Variants in ANKS1B observed in about 807,000 individuals in gnomAD.
The protein encoded by ANKS1B is ankyrin repeat and sterile alpha motif domain containing 1B.
In ANKS1B, 36 loss-of-function variants were observed where a neutral mutation model predicts 148.3. The ratio of observed to expected loss-of-function variants is 0.24; its 90% CI spans 0.19 to 0.32. The LOEUF (loss-of-function observed/expected upper bound fraction) is 0.32. ANKS1B is among the 10% of genes least tolerant of loss of function. The pLI, the probability that ANKS1B is intolerant of heterozygous loss-of-function variation, is 1.00. For missense variants in ANKS1B, 1,157 were observed against 1,542.6 expected (o/e 0.75, Z 4.19); for synonymous variants, 542 against 560.8 (o/e 0.97, Z 0.47).
chr12:99,639,791 A>G (rs933687094), intron 9 of ANKS1B, among the ~76,000 whole-genome samples: 2 of 152,164 alleles, frequency 1.3e-5, no homozygotes, highest in African/African-American at 2.4e-5. Flanking sequence ...CTGTGAGTCA[A>G]TTGAACCTCT....
chr12:99,247,030 AATGAAT>A (rs1479428655), intron 12 of ANKS1B, among the ~76,000 whole-genome samples, 166 bp from the exon 13 acceptor site: 1 of 152,200 alleles, frequency 6.6e-6, no homozygotes, highest in Non-Finnish European at 1.5e-5. Flanking sequence ...CCATGTATAG[AATGAAT>A]GTATGAGTGT....
rs986530857 is a variant in ANKS1B at position 99,367,540 on chromosome 12, AAG to A, written c.1756+32089_1756+32090del. ...AACCCCACTTCTATGAATATTCCCC[AAG>A]AGAGAGAGTTCCAGGAGAACAAACC... On this transcript the variant is annotated intron_variant, in intron 12 of 26. Coordinates refer to ENST00000683438, the MANE Select transcript of ANKS1B (RefSeq NM_001352186.2). Among the ~76,000 whole-genome samples, 6 of 152,226 alleles carry A rather than the reference AAG, an allele frequency of 3.9e-5. No individual in the cohort carries two copies. In the East Asian group the frequency reaches 5.8e-4, roughly 15 times the overall value.
At chr12:99,887,431 C>T (rs1303130012) in intron 1 of ANKS1B, among the ~76,000 whole-genome samples, 1 of 152,160 alleles carries the variant, frequency 6.6e-6, no homozygotes, top group Non-Finnish European at 1.5e-5. Context: ...TGTTTCTTTT[C>T]ACGTTTCAAA....
rs562754057 is a variant in ANKS1B at position 99,428,532 on chromosome 12, A to G, written c.1575+15141T>C. 7.6e-4 allele frequency among the ~76,000 whole-genome samples: 116 copies of G among 152,350 alleles called. 2 individuals carry two copies. The highest frequency in any genetic ancestry group is 2.8e-3 in the African/African-American group (116 of 41,582). Reference sequence around the variant, plus strand: ...TAAAAATGAATTATGTGTTGTTTAGATCGAAATCACATTACTTCTGTAAAC... The same window carrying G: ...TAAAAATGAATTATGTGTTGTTTAGGTCGAAATCACATTACTTCTGTAAAC... On this transcript the variant is annotated intron_variant, in intron 11 of 26. Coordinates refer to ENST00000683438, the MANE Select transcript of ANKS1B (RefSeq NM_001352186.2).
chr12:99,957,385 T>A (rs1180102906), intron 1 of ANKS1B, among the ~76,000 whole-genome samples: 1 of 152,246 alleles, frequency 6.6e-6, no homozygotes, highest in African/African-American at 2.4e-5. Context: ...CAAAAGTTAC[T>A]AAGAGCACGA....
chr12:99,526,055 A>G (rs2096923498), intron 9 of ANKS1B, among the ~76,000 whole-genome samples: 1 of 152,196 alleles, frequency 6.6e-6, no homozygotes, highest in Non-Finnish European at 1.5e-5. Flanking sequence ...TTCTTACATG[A>G]AAAGATGCTC....
At chr12:99,006,199 T>G (rs1327075516) in intron 17 of ANKS1B, among the ~76,000 whole-genome samples, 1 of 152,132 alleles carries the variant, frequency 6.6e-6, no homozygotes, top group Non-Finnish European at 1.5e-5. Flanking sequence ...TTGACCAAAG[T>G]TTATTTCTGT....
At chr12:99,382,718 AGAG>A (rs1306483618) in intron 12 of ANKS1B, among the ~76,000 whole-genome samples, 2,150 of 72,414 alleles carry the variant, frequency 0.03, 20 homozygotes, top group Middle Eastern at 0.073. Context: ...AAAAAAAAAA[AGAG>A]AGAGAGAGAG....
intron 17 of ANKS1B, 72 bp from the exon 18 acceptor site, chr12:98,832,208 G>A (rs936917519): frequency 2.4e-6 from 3 of 1,241,732 alleles, no homozygotes; most frequent in Non-Finnish European, 3.3e-6. Flanking sequence ...TAAAACATGT[G>A]GGGTGAAAAA....
intron 17 of ANKS1B, among the ~76,000 whole-genome samples, chr12:98,944,157 G>T (rs1430691900): frequency 6.6e-6 from 1 of 152,064 alleles, no homozygotes; most frequent in Admixed American, 6.5e-5. Flanking sequence ...AAAACTAGCT[G>T]GGTGTGGGGG....
At chr12:99,091,007 C>T (rs2053808045) in intron 15 of ANKS1B, among the ~76,000 whole-genome samples, 1 of 152,040 alleles carries the variant, frequency 6.6e-6, no homozygotes, top group South Asian at 2.1e-4. Context: ...TCCATTTAAA[C>T]ATATTCTGTC....
At chr12:98,889,294 CT>C (rs2099746986) in intron 17 of ANKS1B, among the ~76,000 whole-genome samples, 11 of 152,012 alleles carry the variant, frequency 7.2e-5, no homozygotes, top group Admixed American at 7.2e-4. Flanking sequence ...TTATTTCTCT[CT>C]CATATTGGTG....
chr12:99,230,924 A>G (rs1008266134), intron 14 of ANKS1B, among the ~76,000 whole-genome samples: 1 of 152,188 alleles, frequency 6.6e-6, no homozygotes, highest in Non-Finnish European at 1.5e-5. Context: ...CTTGTGTGCT[A>G]ATGTATTCTA....
At chr12:99,422,661 C>T (rs74778715) in intron 11 of ANKS1B, among the ~76,000 whole-genome samples, 95 of 152,068 alleles carry the variant, frequency 6.2e-4, no homozygotes, top group Non-Finnish European at 1.1e-3. Flanking sequence ...TTGATGTGTT[C>T]GGGATACAAA....
chr12:99,528,667 C>T (rs2096955792), intron 9 of ANKS1B, among the ~76,000 whole-genome samples: 1 of 152,072 alleles, frequency 6.6e-6, no homozygotes. Flanking sequence ...AGTCTAGTGT[C>T]TAAAAGCCTA....
chr12:98,989,960 AAAT>A (rs1355895637), intron 17 of ANKS1B, among the ~76,000 whole-genome samples: 2 of 152,022 alleles, frequency 1.3e-5, no homozygotes, highest in Non-Finnish European at 2.9e-5. Context: ...GAAGGAAAGA[AAAT>A]AAAAAAAAGA....
chr12:99,683,538 C>T (rs2098633097), intron 8 of ANKS1B, among the ~76,000 whole-genome samples: 1 of 152,102 alleles, frequency 6.6e-6, no homozygotes, highest in Non-Finnish European at 1.5e-5. Context: ...CCGCTGAATT[C>T]TATCAGACAT....
At chr12:98,955,376 C>T (rs761543700) in intron 17 of ANKS1B, among the ~76,000 whole-genome samples, 23 of 152,122 alleles carry the variant, frequency 1.5e-4, no homozygotes, top group African/African-American at 2.2e-4. Context: ...AGAGTAAGAA[C>T]GGTCTTTTGG....
intron 11 of ANKS1B, among the ~76,000 whole-genome samples, chr12:99,430,030 T>C (rs2095341029): frequency 6.6e-6 from 1 of 150,478 alleles, no homozygotes; most frequent in South Asian, 2.1e-4. Context: ...AACAGCAACT[T>C]ACTCACAAAT....
Sources: gnomAD v4.1 joint callset for allele counts (sites outside exome capture counted in the v4.1 genomes callset) on GRCh38, gnomAD v4.1.1 for gene constraint, MANE v1.5 for transcripts, NCBI Gene and HGNC (gene_info 2026-07-23, HGNC 2026-07-21) for gene names.